The following PARP16 variants were observed in gnomAD, a reference collection of about 807,000 sequenced individuals.
PARP16 encodes protein mono-ADP-ribosyltransferase PARP16.
A neutral mutation model predicts 35.0 loss-of-function variants in PARP16; 31 were observed. The ratio of observed to expected loss-of-function variants is 0.88; its 90% confidence interval spans 0.66 to 1.19. PARP16 has a LOEUF of 1.19. PARP16 is among the 50% of genes most tolerant of loss of function. The pLI is 0.00. For missense variants in PARP16, 424 were observed against 411.2 expected (o/e 1.03, Z -0.27); for synonymous variants, 162 against 169.5 (o/e 0.96, Z 0.34).
rs188311074 is a variant in PARP16, at chr15:65,286,213, C to T, written c.174+40G>A. 111 of 1,496,994 alleles carry T rather than the reference C, an allele frequency of 7.4e-5. 2 individuals carry two copies. The East Asian group carries it at 1.1e-3, about 15-fold the overall frequency. 92.7% of individuals were successfully genotyped at this position (1,496,994 alleles called of 1,614,324 possible). On this transcript the variant is annotated intron_variant, in intron 1 of 5. Coordinates refer to ENST00000649807, the MANE Select transcript of PARP16 (RefSeq NM_001316943.2). Reference sequence around the variant, plus strand: ...CCTGTGGTTCCACAGGGCACTTGGTCCAGGACGCAGTGGGCAGCGCCAGGA... The same window carrying T: ...CCTGTGGTTCCACAGGGCACTTGGTTCAGGACGCAGTGGGCAGCGCCAGGA...
At chr15:65,285,456 G>A (rs917284741) in intron 1 of PARP16, 3 of 350,590 alleles carry the variant, frequency 8.6e-6, no homozygotes, top group Non-Finnish European at 1.7e-5. Flanking sequence ...GTTTTTAACA[G>A]TGAAGAATGT....
At chr15:65,233,043 T>C (rs1017562170), downstream of PARP16, among the ~76,000 whole-genome samples, 1 of 152,122 alleles carries the variant, frequency 6.6e-6, no homozygotes, top group Non-Finnish European at 1.5e-5. Context: ...TGATGTCGTT[T>C]CAGTCACGCA....
downstream of PARP16, among the ~76,000 whole-genome samples, chr15:65,253,662 C>A (rs1253693204): frequency 6.6e-6 from 1 of 152,038 alleles, no homozygotes; most frequent in South Asian, 2.1e-4. Flanking sequence ...TCAATCATTA[C>A]CCTCTACTGT....
chr15:65,236,724 G>A (rs1334596941), intron 3 of PARP16, among the ~76,000 whole-genome samples: 1 of 152,226 alleles, frequency 6.6e-6, no homozygotes, highest in Non-Finnish European at 1.5e-5. Flanking sequence ...TGTAATCCCA[G>A]CACTCTGAGA....
intron 2 of PARP16, among the ~76,000 whole-genome samples, chr15:65,252,578 C>T (rs1260398507): frequency 2.6e-5 from 4 of 152,206 alleles, no homozygotes; most frequent in African/African-American, 9.6e-5. Flanking sequence ...CTGGCAGCAC[C>T]ACATGCTGTT....
Position 65,286,708 on chromosome 15 carries a change from G to T in PARP16, c.-282C>A, listed in dbSNP as rs934746291. ...CCCAGGGATAAAGGAACTGGGGCTG[G>T]TGGGGGGGAGGGGTTCCCGGCCTAG... On this transcript the variant is annotated 5_prime_UTR_variant, in exon 1 of 6. Coordinates refer to ENST00000649807, the MANE Select transcript of PARP16 (RefSeq NM_001316943.2). The T allele has an allele frequency of 2.2e-4, 77 of 354,538 alleles. No homozygotes were observed. Among genetic ancestry groups the T allele is most frequent in the African/African-American group, 1.5e-3 (71 of 47,058 alleles). The allele number at this position is 354,538 out of a possible 1,614,324, so 22.0% of individuals were successfully genotyped here.
chr15:65,249,816 G>A (rs1038836778), intron 2 of PARP16, among the ~76,000 whole-genome samples: 1 of 152,250 alleles, frequency 6.6e-6, no homozygotes, highest in Non-Finnish European at 1.5e-5. Context: ...AGTGCCATGT[G>A]TGCCTCTGGG....
intron 1 of PARP16, among the ~76,000 whole-genome samples, chr15:65,271,567 G>A (rs568605097): frequency 1.1e-4 from 17 of 152,126 alleles, no homozygotes; most frequent in African/African-American, 3.9e-4. Flanking sequence ...GAACCACCAT[G>A]CCCAGCCTTG....
At chr15:65,271,877 G>A (rs1212294514) in intron 1 of PARP16, among the ~76,000 whole-genome samples, 1 of 152,200 alleles carries the variant, frequency 6.6e-6, no homozygotes, top group Non-Finnish European at 1.5e-5. Context: ...ACGTAATCAG[G>A]CAACACTGCT....
intron 3 of PARP16, among the ~76,000 whole-genome samples, chr15:65,242,964 C>T (rs1321915335): frequency 6.6e-6 from 1 of 152,196 alleles, no homozygotes; most frequent in Non-Finnish European, 1.5e-5. Context: ...ATCCGCCCAC[C>T]TCAGCCTCCC....
At chr15:65,260,713 G>A (rs2089681195) in intron 5 of PARP16, among the ~76,000 whole-genome samples, 172 bp downstream of exon 5, 1 of 152,176 alleles carries the variant, frequency 6.6e-6, no homozygotes, top group African/African-American at 2.4e-5. Flanking sequence ...TTAGGGTCGG[G>A]ACCACATCTT....
At chr15:65,274,836 C>A (rs2090199188) in intron 1 of PARP16, among the ~76,000 whole-genome samples, 1 of 152,158 alleles carries the variant, frequency 6.6e-6, no homozygotes, top group African/African-American at 2.4e-5. Flanking sequence ...TTCATTGTCG[C>A]CAGGCGTGGT....
intron 1 of PARP16, among the ~76,000 whole-genome samples, chr15:65,282,832 G>C (rs1407098931): frequency 1.3e-5 from 2 of 152,202 alleles, no homozygotes; most frequent in Non-Finnish European, 2.9e-5. Context: ...CAAGGGAGAA[G>C]GGGGAGGATG....
chr15:65,280,813 A>AAG (rs2140970380), intron 1 of PARP16, among the ~76,000 whole-genome samples: 1 of 152,306 alleles, frequency 6.6e-6, no homozygotes, highest in African/African-American at 2.4e-5. Context: ...GAGGAAAAAA[A>AAG]AGAGAAAGAC....
intron 1 of PARP16, among the ~76,000 whole-genome samples, chr15:65,280,215 T>C (rs2090379413): frequency 6.6e-6 from 1 of 152,066 alleles, no homozygotes; most frequent in African/African-American, 2.4e-5. Flanking sequence ...GACAGGCGGA[T>C]TGCTTGACTC....
At chr15:65,237,686 C>T (rs888443055) in intron 3 of PARP16, among the ~76,000 whole-genome samples, 1 of 152,148 alleles carries the variant, frequency 6.6e-6, no homozygotes, top group African/African-American at 2.4e-5. Flanking sequence ...AGAGGGAGTA[C>T]AGCCCTGCCA....
chr15:65,260,563 A>G (rs535704519), intron 5 of PARP16, among the ~76,000 whole-genome samples: 1 of 152,292 alleles, frequency 6.6e-6, no homozygotes, highest in Admixed American at 6.5e-5. Context: ...GCTTAACCTC[A>G]TCGGTGGGTC....
In PARP16 at chr15:65,259,217, C is replaced by T; in HGVS notation, c.*190G>A. On this transcript the variant is annotated 3_prime_UTR_variant, in exon 6 of 6. Transcript: ENST00000649807. ...AACCTAAGAGTGAGGGACTAGTAGT[C>T]CCCGTTGACTGGAGTATGGCTGGGA... 1.6e-6 allele frequency: 1 copy of T among 639,660 alleles called. No homozygotes were observed. Among genetic ancestry groups the T allele is most frequent in the Admixed American group, 2.4e-5 (1 of 42,134 alleles). The allele number at this position is 639,660 out of a possible 1,614,324, so 39.6% of individuals were successfully genotyped here.
At chr15:65,274,387 C>T (rs529529146) in intron 1 of PARP16, among the ~76,000 whole-genome samples, 6 of 151,750 alleles carry the variant, frequency 4.0e-5, no homozygotes, top group Admixed American at 2.0e-4. Flanking sequence ...ATGGCGAAAC[C>T]GCATCTCCAC....
Sources: gnomAD v4.1 joint callset for allele counts (sites outside exome capture counted in the v4.1 genomes callset) on GRCh38, gnomAD v4.1.1 for gene constraint, MANE v1.5 for transcripts, NCBI Gene and HGNC (gene_info 2026-07-23, HGNC 2026-07-21) for gene names.